Variants in SPIDR observed in about 807,000 individuals in gnomAD.
SPIDR encodes scaffold protein involved in DNA repair, also known as DNA repair-scaffolding protein.
SPIDR carries 93 observed loss-of-function variants against 104.6 expected under a neutral mutation model. That is an observed-to-expected ratio of 0.89 (90% CI 0.75 to 1.06). SPIDR has a LOEUF of 1.06. SPIDR is among the 50% of genes least tolerant of loss of function. The pLI is 0.00. For synonymous variants in SPIDR, 431 were observed against 416.9 expected (o/e 1.03, Z -0.41); for missense variants, 1,154 against 1,111.2 (o/e 1.04, Z -0.55).
chr8:47,308,393 C>G (rs1158691676), intron 5 of SPIDR, among the ~76,000 whole-genome samples: 2 of 142,428 alleles, frequency 1.4e-5, no homozygotes, highest in East Asian at 4.1e-4. Flanking sequence ...TCTAATGTTA[C>G]TGTTTTTGTT....
At chr8:47,517,060 C>T (rs751749565) in intron 8 of SPIDR, among the ~76,000 whole-genome samples, 21 of 152,284 alleles carry the variant, frequency 1.4e-4, no homozygotes, top group Non-Finnish European at 2.4e-4. Context: ...TCTCGGCTCA[C>T]TGCAACCTCT....
chr8:47,727,601 G>T (rs912117382), intron 17 of SPIDR, among the ~76,000 whole-genome samples: 3 of 152,192 alleles, frequency 2.0e-5, no homozygotes, highest in African/African-American at 7.2e-5. Flanking sequence ...AAAAAACTTG[G>T]TGACTGTATA....
At chr8:47,409,532 G>A (rs1447580425) in intron 7 of SPIDR, among the ~76,000 whole-genome samples, 2 of 152,142 alleles carry the variant, frequency 1.3e-5, no homozygotes, top group Non-Finnish European at 2.9e-5. Flanking sequence ...TTTCCTGAGG[G>A]ATCATTGGGA....
chr8:47,459,033 C>T (rs1170726083), intron 8 of SPIDR, among the ~76,000 whole-genome samples: 4 of 151,928 alleles, frequency 2.6e-5, no homozygotes, highest in Admixed American at 6.6e-5. Flanking sequence ...TAGTTGGATG[C>T]GGTTAGCTAG....
intron 5 of SPIDR, among the ~76,000 whole-genome samples, chr8:47,322,949 C>T (rs1374685641): frequency 4.6e-5 from 7 of 151,170 alleles, no homozygotes; most frequent in African/African-American, 1.7e-4. Context: ...CGGGTGGGGG[C>T]AGGGTGGAGG....
intron 8 of SPIDR, among the ~76,000 whole-genome samples, chr8:47,557,026 C>A (rs918665815): frequency 1.3e-5 from 2 of 152,174 alleles, no homozygotes; most frequent in African/African-American, 4.8e-5. Flanking sequence ...TTGCTTAGAA[C>A]TTAGACTGCA....
intron 8 of SPIDR, among the ~76,000 whole-genome samples, chr8:47,537,412 A>C (rs1375803819): frequency 6.6e-6 from 1 of 152,246 alleles, no homozygotes; most frequent in Non-Finnish European, 1.5e-5. Context: ...TCAAGCCATG[A>C]AAAAACATAG....
At chr8:47,591,330 A>T (rs1191704183) in intron 8 of SPIDR, among the ~76,000 whole-genome samples, 2 of 151,346 alleles carry the variant, frequency 1.3e-5, no homozygotes, top group South Asian at 4.1e-4. Flanking sequence ...TCTGGGTATT[A>T]CATATATGTA....
chr8:47,376,968 T>C (rs2058730892), intron 5 of SPIDR, among the ~76,000 whole-genome samples: 1 of 152,164 alleles, frequency 6.6e-6, no homozygotes, highest in Admixed American at 6.5e-5. Flanking sequence ...GTGTTATCTC[T>C]GGCTGCCGTC....
At chr8:47,538,036 G>A (rs759282686) in intron 8 of SPIDR, among the ~76,000 whole-genome samples, 51 of 152,058 alleles carry the variant, frequency 3.4e-4, no homozygotes, top group Middle Eastern at 3.4e-3. Flanking sequence ...TTAGTCAGGC[G>A]TGGTGACTCG....
rs139932138 is a variant in SPIDR at position 47,344,586 on chromosome 8, C to T, written c.525+50556C>T. Reference sequence around the variant, plus strand: ...TTGAACCAGTTTACAGTCTCACCAACGGTGTAAAAGCATTCCTATCTCTCC... The same window carrying T: ...TTGAACCAGTTTACAGTCTCACCAATGGTGTAAAAGCATTCCTATCTCTCC... On this transcript the variant is annotated intron_variant, in intron 5 of 19. Transcript: ENST00000297423. Among the ~76,000 whole-genome samples, 212 of 152,340 alleles carry T rather than the reference C, an allele frequency of 1.4e-3. 2 individuals are homozygous for T. The East Asian group carries it at 0.019, about 13-fold the overall frequency.
At chr8:47,678,693 A>G (rs2076737555) in intron 11 of SPIDR, among the ~76,000 whole-genome samples, 1 of 152,186 alleles carries the variant, frequency 6.6e-6, no homozygotes, top group Non-Finnish European at 1.5e-5. Flanking sequence ...ACAAGCTCCC[A>G]GGCCCACACA....
At chr8:47,654,051 G>C in intron 10 of SPIDR, 1 of 1,289,524 alleles carries the variant, frequency 7.8e-7, no homozygotes, top group Non-Finnish European at 1.0e-6. Context: ...AAGACAGATA[G>C]GGGCGTGGTA....
chr8:47,713,480 T>C lies in SPIDR; in HGVS notation c.2189-9T>C, dbSNP rs747054408. 4.3e-6 allele frequency: 7 copies of C among 1,614,038 alleles called. No homozygotes were observed. The highest frequency in any genetic ancestry group is 1.3e-5 in the African/African-American group (1 of 74,936). Reference sequence around the variant, plus strand: ...AGGCTTCAATAACCTGAAGTGTCTCTGTCGGCAGGTCGGATTGTTTGTGCT... The same window carrying C: ...AGGCTTCAATAACCTGAAGTGTCTCCGTCGGCAGGTCGGATTGTTTGTGCT... On this transcript the variant is annotated splice_polypyrimidine_tract_variant and intron_variant, in intron 15 of 19. Coordinates refer to ENST00000297423, the MANE Select transcript of SPIDR (RefSeq NM_001080394.4).
chr8:47,393,817 CTT>C (rs1188342881), intron 5 of SPIDR, among the ~76,000 whole-genome samples: 2 of 144,926 alleles, frequency 1.4e-5, no homozygotes, highest in Admixed American at 1.4e-4. Context: ...TCCATCCTTT[CTT>C]TGTTTCTCTC....
intron 5 of SPIDR, among the ~76,000 whole-genome samples, chr8:47,372,897 T>G (rs1485005323): frequency 6.6e-6 from 1 of 152,160 alleles, no homozygotes; most frequent in African/African-American, 2.4e-5. Flanking sequence ...TCAGAGACTT[T>G]GCAAAACCAG....
At chr8:47,679,854 A>G (rs996541277) in intron 11 of SPIDR, among the ~76,000 whole-genome samples, 1 of 152,190 alleles carries the variant, frequency 6.6e-6, no homozygotes, top group African/African-American at 2.4e-5. Context: ...TTACCGTTAT[A>G]TTTTCTGTAG....
chr8:47,382,363 A>G (rs1247559750), intron 5 of SPIDR, among the ~76,000 whole-genome samples: 1 of 152,236 alleles, frequency 6.6e-6, no homozygotes, highest in African/African-American at 2.4e-5. Context: ...TAGCTTAAAG[A>G]GTAGCAATTG....
rs1554658375 is a variant in SPIDR at position 47,396,374 on chromosome 8, A to G, written c.526-2A>G. On this transcript the variant is annotated splice_acceptor_variant, in intron 5 of 19. Coordinates refer to ENST00000297423, the MANE Select transcript of SPIDR (RefSeq NM_001080394.4). LOFTEE classifies it high-confidence loss of function. ...TATGCCTTTCTTTTAATTTTTTTTC[A>G]GCCAAGTTCTATAGAAATTTTAGAG... is the stretch of plus-strand genomic sequence containing the variant. The G allele has an allele frequency of 6.3e-7, 1 of 1,585,540 alleles. No individual in the cohort carries two copies. Among genetic ancestry groups the G allele is most frequent in the South Asian group, 1.1e-5 (1 of 88,846 alleles).
Sources: gnomAD v4.1 joint callset for allele counts (sites outside exome capture counted in the v4.1 genomes callset) on GRCh38, gnomAD v4.1.1 for gene constraint, MANE v1.5 for transcripts, NCBI Gene and HGNC (gene_info 2026-07-23, HGNC 2026-07-21) for gene names.